Variants in NRXN1 observed in about 807,000 individuals in gnomAD.
NRXN1 encodes the protein neurexin-1.
Under a neutral mutation model 150.9 loss-of-function variants are expected in NRXN1, and 39 were observed. That is an observed-to-expected ratio of 0.26 (90% CI 0.20 to 0.34). The LOEUF is 0.34. NRXN1 is among the 10% of genes least tolerant of loss of function. The pLI is 1.00. For missense variants in NRXN1, 1,815 were observed against 1,949.9 expected (o/e 0.93, Z 1.30); for synonymous variants, 924 against 757.0 (o/e 1.22, Z -3.62).
At position 50,746,067 on chromosome 2, in the gene NRXN1, C is replaced by T. The variant is rs1699987373; in HGVS notation, c.833-122452G>A. Among the ~76,000 whole-genome samples the T allele has an allele frequency of 2.0e-5, 3 of 152,258 alleles. No individual in the cohort carries two copies. In the South Asian group the frequency reaches 6.2e-4, roughly 32 times the overall value. On this transcript the variant is annotated intron_variant, in intron 5 of 22. Coordinates refer to ENST00000401669, the MANE Select transcript of NRXN1 (RefSeq NM_001330078.2). The stretch of plus-strand genomic sequence containing the variant: ...AGCTAGGGAAGCTCCATTTCAATTT[C>T]TGAGCTAAAACTTTTTCTCCTGGCA...
At chr2:50,235,840 GA>G (rs2065364286) in intron 18 of NRXN1, among the ~76,000 whole-genome samples, 1 of 151,968 alleles carries the variant, frequency 6.6e-6, no homozygotes, top group Admixed American at 6.6e-5. Flanking sequence ...TGTTTCTTCT[GA>G]AATCTTCCAA....
At chr2:50,416,098 A>G (rs951968549) in intron 17 of NRXN1, among the ~76,000 whole-genome samples, 1 of 152,092 alleles carries the variant, frequency 6.6e-6, no homozygotes, top group African/African-American at 2.4e-5. Context: ...TCCTTCCCTC[A>G]AAGAGCTTAT....
chr2:50,869,297 G>A (rs961974404), intron 5 of NRXN1, among the ~76,000 whole-genome samples: 1 of 151,678 alleles, frequency 6.6e-6, no homozygotes, highest in African/African-American at 2.4e-5. Context: ...TACTATTTAT[G>A]TAATAAAATA....
At chr2:50,787,766 T>C (rs1480510635) in intron 5 of NRXN1, among the ~76,000 whole-genome samples, 1 of 149,534 alleles carries the variant, frequency 6.7e-6, no homozygotes, top group Non-Finnish European at 1.5e-5. Context: ...CCAGGAACCA[T>C]GAGTTAGTTG....
At chr2:50,630,837 T>C (rs1039928760) in intron 5 of NRXN1, among the ~76,000 whole-genome samples, 1 of 151,712 alleles carries the variant, frequency 6.6e-6, no homozygotes, top group Non-Finnish European at 1.5e-5. Context: ...AGAAGTCAAA[T>C]ACACAAAAAT....
At chr2:50,503,662 G>A (rs2092072276) in intron 13 of NRXN1, among the ~76,000 whole-genome samples, 2 of 152,130 alleles carry the variant, frequency 1.3e-5, no homozygotes. Flanking sequence ...AAGGAGTGCT[G>A]GAGTTTGAAA....
chr2:50,092,664 T>A (rs1699745980), intron 18 of NRXN1, among the ~76,000 whole-genome samples: 2 of 152,250 alleles, frequency 1.3e-5, no homozygotes, highest in Admixed American at 6.5e-5. Flanking sequence ...GAGTATGGAA[T>A]CAGCTTACAC....
chr2:50,240,352 T>G (rs1216514476), intron 17 of NRXN1, among the ~76,000 whole-genome samples: 1 of 151,846 alleles, frequency 6.6e-6, no homozygotes, highest in Non-Finnish European at 1.5e-5. Context: ...AGCACAATTT[T>G]ATAATAAGCG....
At chr2:50,089,980 TGTG>T (rs1454093806) in intron 19 of NRXN1, among the ~76,000 whole-genome samples, 9 of 152,204 alleles carry the variant, frequency 5.9e-5, no homozygotes, top group Non-Finnish European at 1.0e-4. Flanking sequence ...AGTGTAAAAT[TGTG>T]GTAATTCCCA....
chr2:49,930,026 T>A (rs1479831587), intron 22 of NRXN1, among the ~76,000 whole-genome samples: 2 of 152,136 alleles, frequency 1.3e-5, no homozygotes, highest in African/African-American at 4.8e-5. Context: ...ACACTTATGA[T>A]AAAAATGAGT....
chr2:50,707,704 A>G (rs1192286706), intron 5 of NRXN1, among the ~76,000 whole-genome samples: 1 of 152,116 alleles, frequency 6.6e-6, no homozygotes, highest in Non-Finnish European at 1.5e-5. Flanking sequence ...GAACAATGTG[A>G]TCGATCCAGA....
chr2:50,669,592 A>C (rs919578583), intron 5 of NRXN1, among the ~76,000 whole-genome samples: 2 of 151,904 alleles, frequency 1.3e-5, no homozygotes, highest in Non-Finnish European at 2.9e-5. Flanking sequence ...TTTGGGTGAC[A>C]CATATCACTT....
intron 5 of NRXN1, chr2:50,918,724 G>A: frequency 3.0e-6 from 1 of 329,812 alleles, no homozygotes; most frequent in Non-Finnish European, 5.6e-6. Context: ...AAGAACAAAA[G>A]AGAAAAGACA....
At chr2:50,145,498 T>C (rs1204363861) in intron 18 of NRXN1, among the ~76,000 whole-genome samples, 1 of 151,766 alleles carries the variant, frequency 6.6e-6, no homozygotes. Context: ...CCCCATTTCC[T>C]GTCAATTGAT....
intron 5 of NRXN1, among the ~76,000 whole-genome samples, chr2:50,666,966 G>A (rs920449819): frequency 6.6e-6 from 1 of 151,584 alleles, no homozygotes; most frequent in African/African-American, 2.4e-5. Flanking sequence ...CGCATGGCGT[G>A]GTGAGAGTAT....
At chr2:50,471,656 C>T (rs1279245703) in intron 16 of NRXN1, among the ~76,000 whole-genome samples, 1 of 151,818 alleles carries the variant, frequency 6.6e-6, no homozygotes, top group Non-Finnish European at 1.5e-5. Context: ...TGCCTGTTCT[C>T]ACCTATAAAT....
At chr2:50,370,399 C>T (rs188434970) in intron 17 of NRXN1, among the ~76,000 whole-genome samples, 8 of 152,100 alleles carry the variant, frequency 5.3e-5, no homozygotes, top group African/African-American at 1.9e-4. Context: ...CACCGATGCT[C>T]ACAAATGTTT....
At chr2:50,267,989 C>A (rs1249201411) in intron 17 of NRXN1, among the ~76,000 whole-genome samples, 3 of 151,890 alleles carry the variant, frequency 2.0e-5, no homozygotes, top group Admixed American at 6.6e-5. Context: ...CAGGAGTTTG[C>A]GACCAGCCTG....
At chr2:50,042,574 C>A (rs1304415102) in intron 21 of NRXN1, among the ~76,000 whole-genome samples, 1 of 152,136 alleles carries the variant, frequency 6.6e-6, no homozygotes, top group Non-Finnish European at 1.5e-5. Context: ...AAGGACTGAG[C>A]AATACACAAC....
Sources: allele counts gnomAD v4.1 joint callset (sites outside exome capture counted in the v4.1 genomes callset), GRCh38; gene constraint gnomAD v4.1.1; transcripts MANE v1.5; gene names NCBI Gene and HGNC (gene_info 2026-07-23, HGNC 2026-07-21).